Variants in MAF observed in about 807,000 individuals in gnomAD.
MAF encodes transcription factor Maf.
MAF carries 10 observed loss-of-function variants against 22.0 expected under a neutral mutation model. The observed-to-expected ratio is 0.45, with a 90% CI of 0.28 to 0.77. The LOEUF is 0.77. Among genes scored for constraint, MAF ranks in the 30% least tolerant of loss-of-function variants. The pLI, the probability that MAF is intolerant of heterozygous loss-of-function variation, is 0.12. For missense variants in MAF, 544 were observed against 548.4 expected (o/e 0.99, Z 0.08); for synonymous variants, 337 against 255.8 (o/e 1.32, Z -3.03).
At chr16:79,583,054 G>A (rs1288646387), downstream of MAF, among the ~76,000 whole-genome samples, 3 of 152,130 alleles carry the variant, frequency 2.0e-5, no homozygotes, top group African/African-American at 7.2e-5. Context: ...ATTTGGTTAT[G>A]GCTTCTTTAC....
At chr16:79,219,330 G>A in the MAF span, among the ~76,000 whole-genome samples, 2 of 151,956 alleles carry the variant, frequency 1.3e-5, no homozygotes, top group African/African-American at 4.8e-5. Flanking sequence ...ACCATTTCCC[G>A]AGTGCTTACC....
the MAF span, among the ~76,000 whole-genome samples, chr16:79,531,845 C>A: frequency 6.6e-6 from 1 of 151,812 alleles, no homozygotes; most frequent in East Asian, 1.9e-4. Context: ...GTTGGGGACC[C>A]CTGCTTGAAA....
At chr16:79,567,902 A>G in the MAF span, among the ~76,000 whole-genome samples, 3 of 152,244 alleles carry the variant, frequency 2.0e-5, no homozygotes, top group Admixed American at 1.3e-4. Flanking sequence ...CCTGCGTCGC[A>G]GAGCTGAAAG....
the MAF span, among the ~76,000 whole-genome samples, chr16:79,280,824 C>T: frequency 6.6e-6 from 1 of 152,210 alleles, no homozygotes; most frequent in Admixed American, 6.5e-5. Flanking sequence ...TCAGGAACTG[C>T]ACCTAAGACA....
the MAF span, among the ~76,000 whole-genome samples, chr16:79,575,522 A>C: frequency 3.3e-5 from 5 of 152,140 alleles, no homozygotes; most frequent in Admixed American, 6.5e-5. Flanking sequence ...TGAGAATTGG[A>C]GCTTAGAGAC....
At chr16:79,321,354 T>G in the MAF span, among the ~76,000 whole-genome samples, 8 of 152,176 alleles carry the variant, frequency 5.3e-5, no homozygotes, top group Admixed American at 3.9e-4. Flanking sequence ...CCAGTTAAAT[T>G]TGAATTTCAG....
chr16:79,269,098 C>A, the MAF span, among the ~76,000 whole-genome samples: 1 of 152,106 alleles, frequency 6.6e-6, no homozygotes, highest in African/African-American at 2.4e-5. Flanking sequence ...AACCCTGGGA[C>A]CTGTCTCTAT....
chr16:79,343,199 A>G, the MAF span, among the ~76,000 whole-genome samples: 1 of 151,832 alleles, frequency 6.6e-6, no homozygotes, highest in Admixed American at 6.6e-5. Flanking sequence ...CAAATCTAAG[A>G]CTATAGCAAA....
chr16:79,288,822 C>A, the MAF span, among the ~76,000 whole-genome samples: 1 of 152,108 alleles, frequency 6.6e-6, no homozygotes, highest in Non-Finnish European at 1.5e-5. Context: ...CTCCTCCTCC[C>A]AGGTTCAAGC....
chr16:79,492,483 G>GAA, the MAF span, among the ~76,000 whole-genome samples: 139 of 148,778 alleles, frequency 9.3e-4, 1 homozygote, highest in East Asian at 5.6e-3. Context: ...TATAGCAAAA[G>GAA]AAAAAAAAAA....
At chr16:79,410,524 T>A in the MAF span, among the ~76,000 whole-genome samples, 5 of 152,174 alleles carry the variant, frequency 3.3e-5, no homozygotes, top group Non-Finnish European at 7.4e-5. Flanking sequence ...GTATGAATCG[T>A]GCCCTGCGCT....
the MAF span, among the ~76,000 whole-genome samples, chr16:79,566,718 C>A: frequency 2.0e-5 from 3 of 152,298 alleles, no homozygotes; most frequent in African/African-American, 7.2e-5. Flanking sequence ...TGGCCTGAAT[C>A]CTTCATCTTG....
At chr16:79,589,428 T>C (rs998841338), downstream of MAF, among the ~76,000 whole-genome samples, 20 of 152,158 alleles carry the variant, frequency 1.3e-4, no homozygotes, top group African/African-American at 4.8e-4. Flanking sequence ...ACATGCTATC[T>C]GGATTTCCCG....
At chr16:79,588,189 T>A (rs76587823) in intron 1 of MAF, among the ~76,000 whole-genome samples, 14,857 of 152,252 alleles carry the variant, frequency 0.098, 759 homozygotes, top group South Asian at 0.2. Flanking sequence ...GCAGTAAATT[T>A]ACATGGGGAT....
chr16:79,457,723 C>A, the MAF span, among the ~76,000 whole-genome samples: 1 of 152,128 alleles, frequency 6.6e-6, no homozygotes, highest in Admixed American at 6.5e-5. Flanking sequence ...CTGTGCTCCT[C>A]AAATGAGGAT....
the MAF span, among the ~76,000 whole-genome samples, chr16:79,537,294 A>C: frequency 4.0e-4 from 61 of 152,338 alleles, no homozygotes; most frequent in African/African-American, 1.3e-3. Context: ...CCAAATACAC[A>C]TTGATACTGA....
the MAF span, among the ~76,000 whole-genome samples, chr16:79,259,647 T>G: frequency 6.6e-6 from 1 of 152,162 alleles, no homozygotes; most frequent in Non-Finnish European, 1.5e-5. Context: ...GGCTCTTGGT[T>G]GCATATAAAA....
Position 79,598,581 on chromosome 16 carries a change from GGTGT to G in MAF, c.1118+200_1118+203del, listed in dbSNP as rs5818250. 5.3e-3 allele frequency: 7,351 copies of G among 1,396,890 alleles called. 34 individuals are homozygous for G. Among genetic ancestry groups the G allele is most frequent in the African/African-American group, 0.042 (2,768 of 65,448 alleles). 86.5% of individuals were successfully genotyped at this position (1,396,890 alleles called of 1,614,324 possible). A position where few individuals can be genotyped will look rare whatever the true frequency, so the allele number is the denominator to read the frequency against. On this transcript the variant is annotated intron_variant, in intron 1 of 1. Transcript: ENST00000326043. ...CACCACAAACTCGAGCAGGGTGTGG[GGTGT>G]GTGTGTGTGTGTGTGTGTGTGTGTG... is the stretch of plus-strand genomic sequence containing the variant.
the MAF span, among the ~76,000 whole-genome samples, chr16:79,317,304 C>A: frequency 2.0e-5 from 3 of 148,304 alleles, no homozygotes; most frequent in African/African-American, 7.5e-5. Flanking sequence ...CTCCCTCCTT[C>A]CTTCATCTCT....
Sources: allele counts gnomAD v4.1 joint callset (sites outside exome capture counted in the v4.1 genomes callset), GRCh38; gene constraint gnomAD v4.1.1; transcripts MANE v1.5; gene names NCBI Gene and HGNC (gene_info 2026-07-23, HGNC 2026-07-21).